FAM184A: variants seen among roughly 807,000 people sequenced by gnomAD.
FAM184A encodes the protein family with sequence similarity 184 member A, also known as protein FAM184A.
Under a neutral mutation model 143.8 loss-of-function variants are expected in FAM184A, and 99 were observed. That is an observed-to-expected ratio of 0.69 (90% confidence interval 0.58 to 0.81). FAM184A has a LOEUF of 0.81. Among genes scored for constraint, FAM184A ranks in the 40% least tolerant of loss-of-function variants. The pLI, the probability that FAM184A is intolerant of heterozygous loss-of-function variation, is 0.00. For missense variants in FAM184A, 1,217 were observed against 1,310.5 expected (o/e 0.93, Z 1.10); for synonymous variants, 427 against 446.4 (o/e 0.96, Z 0.55).
At chr6:118,979,879 C>CA (rs57478039) in intron 10 of FAM184A, among the ~76,000 whole-genome samples, 51,894 of 141,040 alleles carry the variant, frequency 0.37, 10,208 homozygotes, top group East Asian at 0.69. Context: ...CCTGTTTCTA[C>CA]AAAAAAAAAA....
intron 1 of FAM184A, among the ~76,000 whole-genome samples, chr6:119,068,132 C>T (rs1787533827): frequency 6.6e-6 from 1 of 151,130 alleles, no homozygotes; most frequent in Non-Finnish European, 1.5e-5. Context: ...CCACAACCTC[C>T]GCCTCCTGGG....
At chr6:119,050,928 T>C (rs1786737807) in intron 1 of FAM184A, among the ~76,000 whole-genome samples, 1 of 152,280 alleles carries the variant, frequency 6.6e-6, no homozygotes, top group African/African-American at 2.4e-5. Flanking sequence ...GGTTTTCACT[T>C]ATAAATGGGA....
chr6:119,082,229 G>A (rs576679758), upstream of FAM184A, among the ~76,000 whole-genome samples: 2 of 152,138 alleles, frequency 1.3e-5, no homozygotes, highest in Non-Finnish European at 2.9e-5. Flanking sequence ...CTCCCAGCAG[G>A]TCCCTCCCCT....
chr6:119,129,807 T>C (rs939532141), intron 1 of FAM184A, among the ~76,000 whole-genome samples: 1 of 152,148 alleles, frequency 6.6e-6, no homozygotes, highest in African/African-American at 2.4e-5. Context: ...ACAGCAACAT[T>C]GAACAGAAGG....
chr6:119,060,083 C>T (rs1471306968), intron 1 of FAM184A, among the ~76,000 whole-genome samples: 2 of 152,150 alleles, frequency 1.3e-5, no homozygotes, highest in African/African-American at 4.8e-5. Flanking sequence ...AGTGTTTAGT[C>T]ACTTCGAGAT....
intron 7 of FAM184A, among the ~76,000 whole-genome samples, chr6:119,004,471 T>C (rs563781682): frequency 8.5e-5 from 13 of 152,374 alleles, no homozygotes; most frequent in African/African-American, 2.6e-4. Context: ...GTATTGAGAA[T>C]TGAAGGCAGC....
chr6:118,975,209 C>T lies in FAM184A; in HGVS notation c.2584-1G>A. On this transcript the variant is annotated splice_acceptor_variant, in intron 12 of 17. Transcript: ENST00000338891. LOFTEE classifies it high-confidence loss of function. ...TAATTCTACATATGTGCTCCTTACT[C>T]TGTTAAAAAAAAAAAGTCATTTTTA... The T allele has an allele frequency of 6.6e-7, 1 of 1,513,684 alleles. No individual in the cohort carries two copies. The highest frequency in any genetic ancestry group is 8.8e-7 in the Non-Finnish European group (1 of 1,132,426). 93.8% of individuals were successfully genotyped at this position (1,513,684 alleles called of 1,614,324 possible).
intron 1 of FAM184A, among the ~76,000 whole-genome samples, chr6:119,043,874 C>A (rs1786431453): frequency 6.6e-6 from 1 of 152,076 alleles, no homozygotes; most frequent in African/African-American, 2.4e-5. Context: ...ATTATACTGG[C>A]ATAATTGAGT....
intron 1 of FAM184A, chr6:119,025,738 C>A (rs1248593719): frequency 4.9e-6 from 2 of 411,228 alleles, no homozygotes; most frequent in Non-Finnish European, 9.4e-6. Flanking sequence ...ACTTTCTTCC[C>A]CCGGAAGCGA....
intron 1 of FAM184A, among the ~76,000 whole-genome samples, chr6:119,094,970 A>G (rs550279704): frequency 6.6e-6 from 1 of 152,078 alleles, no homozygotes; most frequent in African/African-American, 2.4e-5. Flanking sequence ...TGCCCTGTAC[A>G]CTTATAAGCT....
At position 119,141,540 on chromosome 6, in the gene FAM184A, G is replaced by A. The variant is rs557324211; in HGVS notation, c.-202+7538C>T. Among the ~76,000 whole-genome samples, 11 of 152,138 alleles carry A rather than the reference G, an allele frequency of 7.2e-5. No homozygotes were observed. In the South Asian group the frequency reaches 2.1e-3, roughly 29 times the overall value. Reference sequence around the variant, plus strand: ...GGTTCTGTCGCCCAGGCAGTGGCGCGATCTTGGCTCACTGCAGTCTCTGCC... The same window carrying A: ...GGTTCTGTCGCCCAGGCAGTGGCGCAATCTTGGCTCACTGCAGTCTCTGCC... On this transcript the variant is annotated intron_variant, in intron 1 of 16. Coordinates refer to the FAM184A transcript ENST00000352896.
intron 2 of FAM184A, 35 bp downstream of exon 2, chr6:119,023,924 A>C: frequency 6.6e-7 from 1 of 1,504,694 alleles, no homozygotes; most frequent in Non-Finnish European, 8.8e-7. Context: ...AAAAGAAAAA[A>C]AATCCATGTG....
rs758408611 is a variant in FAM184A at position 118,975,974 on chromosome 6, TTGA to T, written c.2523_2525del (p.His841del). On this transcript the variant is annotated inframe_deletion, in exon 12 of 18. Coordinates refer to ENST00000338891, the MANE Select transcript of FAM184A (RefSeq NM_024581.6). ...ATTCCATTTTAGCAGCTGCCAATTC[TTGA>T]TGATGATTATGCCGTAACAAATCAA... 6 of 1,613,544 alleles carry T rather than the reference TTGA, an allele frequency of 3.7e-6. No individual in the cohort carries two copies. Among genetic ancestry groups the T allele is most frequent in the Non-Finnish European group, 5.1e-6 (6 of 1,179,924 alleles).
chr6:118,966,940 C>A lies in FAM184A; in HGVS notation c.2928G>T (p.Met976Ile). The A allele has an allele frequency of 6.7e-7, 1 of 1,490,410 alleles. No homozygotes were observed. Among genetic ancestry groups the A allele is most frequent in the South Asian group, 1.2e-5 (1 of 85,976 alleles). 92.3% of individuals were successfully genotyped at this position (1,490,410 alleles called of 1,614,324 possible). Residue 976 changes from methionine to isoleucine, a missense_variant, in exon 15 of 18, where the codon ATG becomes ATT. Physicochemically the swap from Met to Ile is conservative, Grantham distance 10. Transcript: ENST00000338891. ...NAALQVSLEE[M>I]EEKYLMRESK... ...ATTCTCTCATTAGATATTTTTCTTC[C>A]ATTTCTTCTAATCTGAAAACAAGAA...
At chr6:119,055,861 CTCT>C (rs1786952875) in intron 1 of FAM184A, among the ~76,000 whole-genome samples, 1 of 152,162 alleles carries the variant, frequency 6.6e-6, no homozygotes, top group Non-Finnish European at 1.5e-5. Context: ...TAAATCTACC[CTCT>C]TCTTCCTCCT....
intron 1 of FAM184A, among the ~76,000 whole-genome samples, chr6:119,132,185 A>G (rs1053701937): frequency 6.6e-6 from 1 of 152,196 alleles, no homozygotes; most frequent in Non-Finnish European, 1.5e-5. Context: ...GTAGGTTTTA[A>G]TGATATTGAG....
intron 1 of FAM184A, among the ~76,000 whole-genome samples, chr6:119,130,370 G>A (rs534700418): frequency 6.6e-6 from 1 of 152,172 alleles, no homozygotes; most frequent in Non-Finnish European, 1.5e-5. Flanking sequence ...AGAAATAAAT[G>A]CCCTAGATTC....
chr6:119,072,436 C>T (rs557793036), intron 1 of FAM184A, among the ~76,000 whole-genome samples: 17 of 152,308 alleles, frequency 1.1e-4, no homozygotes, highest in African/African-American at 4.1e-4. Context: ...TATGAGGCCA[C>T]TTACCATTCT....
chr6:119,024,280 G>T lies in FAM184A; in HGVS notation c.693C>A (p.Asn231Lys), dbSNP rs1451693696. ...CAAGTCTTAGCTCCTCAAGCATTTT[G>T]TTTAGGGACTCCACCTCCATTCTGT... ...ELHRMEVESL[N>K]KMLEELRLER... Residue 231 changes from asparagine (N) to lysine (K), a missense_variant, in exon 2 of 18, where the codon AAC becomes AAA. Physicochemically the swap from Asn to Lys is moderately conservative, Grantham distance 94 (BLOSUM62 0). Coordinates refer to ENST00000338891, the MANE Select transcript of FAM184A (RefSeq NM_024581.6). The T allele has an allele frequency of 2.5e-6, 4 of 1,614,016 alleles. No homozygotes were observed. The highest frequency in any genetic ancestry group is 3.3e-5 in the Admixed American group (2 of 59,994).
Sources: gnomAD v4.1 joint callset for allele counts (sites outside exome capture counted in the v4.1 genomes callset) on GRCh38, gnomAD v4.1.1 for gene constraint, MANE v1.5 for transcripts, NCBI Gene and HGNC (gene_info 2026-07-23, HGNC 2026-07-21) for gene names.